The following VWA8 variants were observed in gnomAD, a reference collection of about 807,000 sequenced individuals.
The protein encoded by VWA8 is von Willebrand factor A domain containing 8, also known as von Willebrand factor A domain-containing protein 8.
A neutral mutation model predicts 241.5 loss-of-function variants in VWA8; 221 were observed. The observed-to-expected ratio is 0.91, with a 90% confidence interval of 0.82 to 1.02. The LOEUF (loss-of-function observed/expected upper bound fraction) is 1.02, where lower values mean the gene tolerates loss of function less well. Among genes scored for constraint, VWA8 ranks in the 50% least tolerant of loss-of-function variants. The pLI, the probability that VWA8 is intolerant of heterozygous loss-of-function variation, is 0.00. For missense variants in VWA8, 2,322 were observed against 2,328.7 expected (o/e 1.00, Z 0.06); for synonymous variants, 852 against 827.1 (o/e 1.03, Z -0.52).
intron 12 of VWA8, among the ~76,000 whole-genome samples, chr13:41,858,018 T>C (rs1872828941): frequency 6.6e-6 from 1 of 152,182 alleles, no homozygotes; most frequent in Non-Finnish European, 1.5e-5. Context: ...TTACTCAGAC[T>C]GGAACTTATA....
At chr13:41,927,820 A>AG (rs1377025185) in intron 2 of VWA8, among the ~76,000 whole-genome samples, 3 of 152,206 alleles carry the variant, frequency 2.0e-5, no homozygotes, top group Non-Finnish European at 4.4e-5. Flanking sequence ...ATTTAAAAAA[A>AG]GGGGGGAATT....
At position 41,611,709 on chromosome 13, in the gene VWA8, C is replaced by A. The variant is rs774458741; in HGVS notation, c.4744G>T (p.Gly1582Cys). 1 of 1,614,024 alleles carries A rather than the reference C, an allele frequency of 6.2e-7. No individual in the cohort carries two copies. Among genetic ancestry groups the A allele is most frequent in the East Asian group, 2.2e-5 (1 of 44,870 alleles). The part of the protein sequence containing the change: ...GTGGRDTAGL[G>C]GKGGPYRLDA... ...AGCCGGTAAGGGCCTCCTTTGCCAC[C>A]CAGGCCTGCCGTGTCTCTTCCCCCT... The change falls in exon 39 of 45, where the codon GGT becomes TGT. Residue 1582 changes from glycine to cysteine, a missense_variant. Coordinates refer to ENST00000379310, the MANE Select transcript of VWA8 (RefSeq NM_015058.2).
At chr13:41,572,585 CT>C (rs1189134898) in intron 43 of VWA8, among the ~76,000 whole-genome samples, 1 of 151,906 alleles carries the variant, frequency 6.6e-6, no homozygotes, top group Non-Finnish European at 1.5e-5. Flanking sequence ...TAAACAGATG[CT>C]TGAAGGCAGC....
At chr13:41,743,628 G>A (rs892665105) in intron 21 of VWA8, among the ~76,000 whole-genome samples, 1 of 152,168 alleles carries the variant, frequency 6.6e-6, no homozygotes, top group Non-Finnish European at 1.5e-5. Context: ...ACATATCAGC[G>A]TTTGAGTTCT....
intron 12 of VWA8, among the ~76,000 whole-genome samples, chr13:41,845,470 T>C (rs960350445): frequency 2.6e-5 from 4 of 152,062 alleles, no homozygotes; most frequent in African/African-American, 7.2e-5. Flanking sequence ...ACTGGGTATA[T>C]GCCCAAAGGA....
In VWA8 at chr13:41,803,829, C is replaced by T. The variant is rs138872774; in HGVS notation, c.2063+7396G>A. On this transcript the variant is annotated intron_variant, in intron 17 of 44. Transcript: ENST00000379310. Reference sequence around the variant, plus strand: ...TCAGAATTCTATCAGATAAATGTAACAAAGAAATTGAAATAATTTTTAAAA... The same window carrying T: ...TCAGAATTCTATCAGATAAATGTAATAAAGAAATTGAAATAATTTTTAAAA... Among the ~76,000 whole-genome samples, 69 of 152,146 alleles carry T rather than the reference C, an allele frequency of 4.5e-4. 1 individual carries two copies. The East Asian group carries it at 0.012, about 26-fold the overall frequency.
intron 24 of VWA8, among the ~76,000 whole-genome samples, chr13:41,724,779 T>C (rs2045419346): frequency 6.6e-6 from 1 of 152,214 alleles, no homozygotes; most frequent in Non-Finnish European, 1.5e-5. Flanking sequence ...CCATAAGCCC[T>C]TCTATATTTC....
chr13:41,857,280 C>T (rs768450625), intron 12 of VWA8, among the ~76,000 whole-genome samples: 2 of 152,050 alleles, frequency 1.3e-5, no homozygotes, highest in Non-Finnish European at 2.9e-5. Flanking sequence ...AATTGTTAAG[C>T]GTTAATATAC....
intron 2 of VWA8, among the ~76,000 whole-genome samples, chr13:41,914,663 C>T (rs1258051800): frequency 1.3e-5 from 2 of 152,170 alleles, no homozygotes; most frequent in Non-Finnish European, 2.9e-5. Flanking sequence ...CTTAAAAACA[C>T]TTTGGGTTTT....
At chr13:41,842,766 C>G (rs998435508) in intron 12 of VWA8, among the ~76,000 whole-genome samples, 3 of 152,188 alleles carry the variant, frequency 2.0e-5, no homozygotes, top group Non-Finnish European at 4.4e-5. Flanking sequence ...TCCTATACTA[C>G]AAAGGCTAGA....
At chr13:41,843,876 C>T (rs544169876) in intron 12 of VWA8, among the ~76,000 whole-genome samples, 25 of 152,058 alleles carry the variant, frequency 1.6e-4, no homozygotes, top group East Asian at 3.9e-4. Context: ...CAACCCTGGA[C>T]GAGATGGATT....
At chr13:41,674,236 G>C (rs945549429) in intron 36 of VWA8, among the ~76,000 whole-genome samples, 22 of 152,022 alleles carry the variant, frequency 1.4e-4, no homozygotes, top group Admixed American at 1.3e-3. Context: ...CTATCATGCC[G>C]AGCTATCTTC....
intron 4 of VWA8, chr13:41,905,064 C>T (rs371473681): frequency 4.5e-4 from 68 of 152,022 alleles, no homozygotes; most frequent in African/African-American, 1.6e-3. Flanking sequence ...AATTGAGAGT[C>T]GAAGTCAACA....
intron 26 of VWA8, 41 bp downstream of exon 26, chr13:41,719,550 A>G (rs1470046469): frequency 1.2e-6 from 2 of 1,608,314 alleles, no homozygotes; most frequent in African/African-American, 2.7e-5. Context: ...ATCAAGAACT[A>G]TCAGCATTTA....
At chr13:41,760,785 T>C (rs2045733642) in intron 21 of VWA8, among the ~76,000 whole-genome samples, 1 of 151,992 alleles carries the variant, frequency 6.6e-6, no homozygotes, top group Non-Finnish European at 1.5e-5. Flanking sequence ...TTTCTCCTTG[T>C]GAGCTATTTT....
At chr13:41,726,134 T>C (rs2045430802) in intron 24 of VWA8, among the ~76,000 whole-genome samples, 1 of 152,206 alleles carries the variant, frequency 6.6e-6, no homozygotes, top group Non-Finnish European at 1.5e-5. Flanking sequence ...TTGATTTTTT[T>C]TTTCTATCAG....
intron 37 of VWA8, among the ~76,000 whole-genome samples, chr13:41,657,967 C>T (rs1016336416): frequency 4.6e-5 from 7 of 152,164 alleles, no homozygotes; most frequent in South Asian, 2.1e-4. Context: ...AACTTGCTAA[C>T]GCATCTTTTA....
chr13:41,957,858 C>T (rs766905983), intron 1 of VWA8, among the ~76,000 whole-genome samples: 85 of 152,144 alleles, frequency 5.6e-4, no homozygotes, highest in Non-Finnish European at 1.1e-3. Context: ...AAGGAAAGCA[C>T]CAAAATGTCA....
At chr13:41,873,339 G>C (rs973720660) in intron 9 of VWA8, among the ~76,000 whole-genome samples, 2 of 152,006 alleles carry the variant, frequency 1.3e-5, no homozygotes, top group Non-Finnish European at 1.5e-5. Context: ...AATCAGAGCA[G>C]AACTGAAGGA....
Sources: allele counts gnomAD v4.1 joint callset (sites outside exome capture counted in the v4.1 genomes callset), GRCh38; gene constraint gnomAD v4.1.1; transcripts MANE v1.5; gene names NCBI Gene and HGNC (gene_info 2026-07-23, HGNC 2026-07-21).